Variants in EPHA5 observed in about 807,000 individuals in gnomAD.
EPHA5 encodes the protein EPH receptor A5, also known as ephrin type-A receptor 5.
A neutral mutation model predicts 105.0 loss-of-function variants in EPHA5; 60 were observed. The observed-to-expected ratio is 0.57, with a 90% CI of 0.46 to 0.71. The LOEUF (loss-of-function observed/expected upper bound fraction) is 0.71, where lower values mean the gene tolerates loss of function less well. Among genes scored for constraint, EPHA5 ranks in the 30% least tolerant of loss-of-function variants. The probability of loss-of-function intolerance (pLI) is 0.00; values close to 1 mark genes in which losing one functional copy is unlikely to be tolerated. For missense variants in EPHA5, 1,218 were observed against 1,274.7 expected (o/e 0.96, Z 0.68); for synonymous variants, 513 against 449.1 (o/e 1.14, Z -1.80).
chr4:65,343,879 T>C (rs545594237), intron 14 of EPHA5, among the ~76,000 whole-genome samples: 1 of 152,002 alleles, frequency 6.6e-6, no homozygotes, highest in Non-Finnish European at 1.5e-5. Flanking sequence ...TTAAACTTCC[T>C]GAAAGGTTAC....
intron 3 of EPHA5, chr4:65,573,895 C>G: frequency 7.4e-6 from 12 of 1,610,986 alleles, no homozygotes; most frequent in African/African-American, 2.7e-5. Context: ...GCCAGCATTA[C>G]CCCCGGGACC....
At chr4:65,549,592 T>A (rs1737701791) in intron 3 of EPHA5, among the ~76,000 whole-genome samples, 1 of 152,116 alleles carries the variant, frequency 6.6e-6, no homozygotes, top group Non-Finnish European at 1.5e-5. Flanking sequence ...ATAACATTTT[T>A]AATATGAAAG....
Position 65,669,865 on chromosome 4 carries a change from G to A in EPHA5, c.-123C>T. Reference sequence around the variant, plus strand: ...CCCCCCTTGGGGTCCTACGCCTTCTGGCACGCGGCTCCTCCAAATGTAGGA... The same window carrying A: ...CCCCCCTTGGGGTCCTACGCCTTCTAGCACGCGGCTCCTCCAAATGTAGGA... On this transcript the variant is annotated 5_prime_UTR_variant, in exon 1 of 17. Coordinates refer to ENST00000613740, the MANE Select transcript of EPHA5 (RefSeq NM_001281766.3). 8.2e-7 allele frequency: 1 copy of A among 1,221,920 alleles called. No individual in the cohort carries two copies. The highest frequency in any genetic ancestry group is 3.2e-5 in the East Asian group (1 of 31,630). 75.7% of individuals were successfully genotyped at this position (1,221,920 alleles called of 1,614,324 possible).
intron 2 of EPHA5, among the ~76,000 whole-genome samples, chr4:65,637,044 T>TATCA (rs914583842): frequency 2.0e-5 from 3 of 151,966 alleles, no homozygotes; most frequent in African/African-American, 7.2e-5. Context: ...TTAAAGTTAC[T>TATCA]ATCATGAGGC....
At chr4:65,451,434 T>G (rs1727054546) in intron 5 of EPHA5, among the ~76,000 whole-genome samples, 1 of 152,128 alleles carries the variant, frequency 6.6e-6, no homozygotes. Context: ...TAGCCATTGA[T>G]TATAGTAGGC....
intron 8 of EPHA5, among the ~76,000 whole-genome samples, chr4:65,369,262 A>T (rs905432481): frequency 6.6e-6 from 1 of 152,190 alleles, no homozygotes; most frequent in Non-Finnish European, 1.5e-5. Context: ...ATGAACACTG[A>T]ATTGATGATT....
chr4:65,363,715 T>G (rs1417266093), intron 11 of EPHA5, among the ~76,000 whole-genome samples: 1 of 151,584 alleles, frequency 6.6e-6, no homozygotes, highest in Non-Finnish European at 1.5e-5. Flanking sequence ...CATTTCTGCA[T>G]AGCAAATAAT....
Position 65,320,377 on chromosome 4 carries a change from T to G in EPHA5, c.*3737A>C, listed in dbSNP as rs923469136. The G allele has an allele frequency of 7.8e-5, 18 of 230,218 alleles. No individual in the cohort carries two copies. The highest frequency in any genetic ancestry group is 3.5e-4 in the African/African-American group (16 of 45,134). The allele number at this position is 230,218 out of a possible 1,614,324, so 14.3% of individuals were successfully genotyped here. A position where few individuals can be genotyped will look rare whatever the true frequency, so the allele number is the denominator to read the frequency against. ...GGATCATCATCATATTGTACCTACT[T>G]TTTGCTTAATTTGAAGTTAAACATC... On this transcript the variant is annotated 3_prime_UTR_variant, in exon 17 of 17. Transcript: ENST00000613740.
intron 3 of EPHA5, among the ~76,000 whole-genome samples, chr4:65,516,568 A>G (rs1734124901): frequency 6.6e-6 from 1 of 151,780 alleles, no homozygotes; most frequent in African/African-American, 2.4e-5. Flanking sequence ...TTGTGTGGGC[A>G]TGCGCGCGTG....
rs1319671179 is a variant in EPHA5, at chr4:65,540,774, T to A, written c.911-45231A>T. Among the ~76,000 whole-genome samples, 12 of 150,852 alleles carry A rather than the reference T, an allele frequency of 8.0e-5. No homozygotes were observed. In the Admixed American group the frequency reaches 8.0e-4, roughly 10 times the overall value. ...ATTTCCTGATTTTTTTTTTCTTCTTTCTCTCTTCCCCCATCCCCTCTCTTT... is the reference window on the plus strand; with the variant it reads ...ATTTCCTGATTTTTTTTTTCTTCTTACTCTCTTCCCCCATCCCCTCTCTTT... On this transcript the variant is annotated intron_variant, in intron 3 of 16. Transcript: ENST00000613740.
intron 3 of EPHA5, among the ~76,000 whole-genome samples, chr4:65,563,100 CT>C (rs954948426): frequency 3.6e-4 from 54 of 151,272 alleles, no homozygotes; most frequent in East Asian, 1.2e-3. Flanking sequence ...GATATAAATT[CT>C]TTTTTTTTCT....
chr4:65,562,652 A>C (rs1213903927), intron 3 of EPHA5, among the ~76,000 whole-genome samples: 1 of 152,064 alleles, frequency 6.6e-6, no homozygotes, highest in Non-Finnish European at 1.5e-5. Context: ...CATTCTTGAC[A>C]TTCTGAAAGT....
intron 5 of EPHA5, among the ~76,000 whole-genome samples, chr4:65,421,758 G>C (rs1478318224): frequency 1.3e-5 from 2 of 152,040 alleles, no homozygotes; most frequent in African/African-American, 2.4e-5. Context: ...ATTTGGTTTA[G>C]TTCACTGCTA....
rs113435435 is a variant in EPHA5, at chr4:65,559,500, G to A, written c.910+42141C>T. ...ATCATTTGTTTCAGGAAAAATTCCCGAAATCCTTCTCCCAACAGCAACTTT... is the reference window on the plus strand; with the variant it reads ...ATCATTTGTTTCAGGAAAAATTCCCAAAATCCTTCTCCCAACAGCAACTTT... On this transcript the variant is annotated intron_variant, in intron 3 of 16. Transcript: ENST00000613740. Among the ~76,000 whole-genome samples, 546 of 152,216 alleles carry A rather than the reference G, an allele frequency of 3.6e-3. 2 individuals carry two copies. Among genetic ancestry groups the A allele is most frequent in the Admixed American group, 8.2e-3 (125 of 15,274 alleles).
intron 3 of EPHA5, among the ~76,000 whole-genome samples, chr4:65,550,797 C>A (rs1737823222): frequency 6.6e-6 from 1 of 152,098 alleles, no homozygotes; most frequent in African/African-American, 2.4e-5. Flanking sequence ...CAGCATGCCA[C>A]TGCACTCCAG....
chr4:65,642,091 A>G (rs1747720851), intron 2 of EPHA5, among the ~76,000 whole-genome samples: 1 of 152,114 alleles, frequency 6.6e-6, no homozygotes, highest in Non-Finnish European at 1.5e-5. Flanking sequence ...ACAAAACTAA[A>G]TTCAAAGAGA....
intron 1 of EPHA5, among the ~76,000 whole-genome samples, chr4:65,662,338 A>T (rs1251598925): frequency 1.3e-5 from 2 of 152,002 alleles, no homozygotes; most frequent in South Asian, 2.1e-4. Context: ...TGGCTCTTTA[A>T]TTTTTTTTAT....
chr4:65,642,363 A>G (rs1272195303), intron 2 of EPHA5, among the ~76,000 whole-genome samples: 1 of 152,024 alleles, frequency 6.6e-6, no homozygotes, highest in Non-Finnish European at 1.5e-5. Flanking sequence ...ATAAAAGAGG[A>G]ACACATTGAA....
In EPHA5 at chr4:65,465,477, AAGAAAGAAAGAAAG is replaced by A. The variant is rs1560566964; in HGVS notation, c.1402+24886_1402+24899del. ...GAAAGAAAAGAAAGAAAAAGAAAGA[AAGAAAGAAAGAAAG>A]AAAGAAAGAAAGAAAGAAAGAAAGA... On this transcript the variant is annotated intron_variant, in intron 5 of 16. Coordinates refer to ENST00000613740, the MANE Select transcript of EPHA5 (RefSeq NM_001281766.3). Among the ~76,000 whole-genome samples the A allele has an allele frequency of 4.8e-3, 332 of 69,380 alleles. 3 individuals are homozygous for A. The highest frequency in any genetic ancestry group is 8.6e-3 in the Middle Eastern group (1 of 116). 45.5% of individuals were successfully genotyped at this position (69,380 alleles called of 152,430 possible).
Sources: gnomAD v4.1 joint callset for allele counts (sites outside exome capture counted in the v4.1 genomes callset) on GRCh38, gnomAD v4.1.1 for gene constraint, MANE v1.5 for transcripts, NCBI Gene and HGNC (gene_info 2026-07-23, HGNC 2026-07-21) for gene names.